The following PIGK variants were observed in gnomAD, a reference collection of about 807,000 sequenced individuals.
PIGK encodes phosphatidylinositol glycan anchor biosynthesis class K, also known as GPI-anchor transamidase.
Under a neutral mutation model 50.6 loss-of-function variants are expected in PIGK, and 42 were observed. That is an observed-to-expected ratio of 0.83 (90% CI 0.65 to 1.07). The LOEUF (loss-of-function observed/expected upper bound fraction) is 1.07, where lower values mean the gene tolerates loss of function less well. Ranked by LOEUF, PIGK falls within the 50% of genes least tolerant of loss-of-function variation. The pLI is 0.00. For missense variants in PIGK, 448 were observed against 488.7 expected, an observed-to-expected ratio of 0.92 and a Z score of 0.78; for synonymous variants, 151 against 156.0, an observed-to-expected ratio of 0.97 and a Z score of 0.24.
intron 3 of PIGK, among the ~76,000 whole-genome samples, chr1:77,169,767 A>G (rs1655319685): frequency 6.6e-6 from 1 of 152,254 alleles, no homozygotes; most frequent in South Asian, 2.1e-4. Context: ...GGGAAGCTAA[A>G]GAAACTGTCT....
intron 10 of PIGK, among the ~76,000 whole-genome samples, chr1:77,105,840 T>C (rs962641378): frequency 6.6e-6 from 1 of 152,188 alleles, no homozygotes; most frequent in African/African-American, 2.4e-5. Context: ...TATTTACTAT[T>C]TGGCCCTTTA....
intron 10 of PIGK, among the ~76,000 whole-genome samples, chr1:77,104,693 A>T (rs916374806): frequency 9.9e-5 from 15 of 152,212 alleles, no homozygotes; most frequent in African/African-American, 3.1e-4. Flanking sequence ...ACAAACTCGC[A>T]ACACAGGCAC....
intron 3 of PIGK, among the ~76,000 whole-genome samples, chr1:77,196,669 G>GT (rs1656045715): frequency 1.3e-5 from 2 of 151,870 alleles, no homozygotes; most frequent in Non-Finnish European, 2.9e-5. Flanking sequence ...GGGTTATTTG[G>GT]TTTTTGCTTG....
Position 77,090,520 on chromosome 1 carries a change from G to T in PIGK, c.*1854C>A, listed in dbSNP as rs1412693766. ...TCCCAGTTTGGTTTTAACTAAGAAG[G>T]GCACCTTCTACAACCTCTGAAGACG... On this transcript the variant is annotated 3_prime_UTR_variant, in exon 11 of 11. Transcript: ENST00000370812. 1 of 152,146 alleles carries T rather than the reference G, an allele frequency of 6.6e-6. No individual in the cohort carries two copies. 9.4% of individuals were successfully genotyped at this position (152,146 alleles called of 1,614,324 possible). A position where few individuals can be genotyped will look rare whatever the true frequency, so the allele number is the denominator to read the frequency against.
chr1:77,102,066 G>A (rs375763163), intron 10 of PIGK, among the ~76,000 whole-genome samples: 2 of 152,164 alleles, frequency 1.3e-5, no homozygotes, highest in Admixed American at 1.3e-4. Flanking sequence ...GAGATTAAAA[G>A]ACTTTCCAAT....
In PIGK at chr1:77,122,256, A is replaced by T. The variant is rs1557798372; in HGVS notation, c.1071+19T>A. The T allele has an allele frequency of 1.4e-6, 2 of 1,455,368 alleles. No homozygotes were observed. Among genetic ancestry groups the T allele is most frequent in the African/African-American group, 2.8e-5 (2 of 71,482 alleles). The allele number at this position is 1,455,368 out of a possible 1,614,324, so 90.2% of individuals were successfully genotyped here. A position where few individuals can be genotyped will look rare whatever the true frequency, so the allele number is the denominator to read the frequency against. ...TTAAAAATCTTGTTTCTTTCAAAAG[A>T]ATAAAATGAAATGCAAACCTGGTGT... On this transcript the variant is annotated intron_variant, in intron 10 of 10. Transcript: ENST00000370812.
At chr1:77,188,037 T>C (rs1277028540) in intron 3 of PIGK, among the ~76,000 whole-genome samples, 1 of 152,202 alleles carries the variant, frequency 6.6e-6, no homozygotes, top group African/African-American at 2.4e-5. Context: ...CCGAGGAAGA[T>C]GTATGTCGCC....
intron 3 of PIGK, among the ~76,000 whole-genome samples, chr1:77,174,869 ATTAAAAACC>A (rs1308969291): frequency 6.6e-6 from 1 of 152,164 alleles, no homozygotes; most frequent in African/African-American, 2.4e-5. Flanking sequence ...CAGTAATCCG[ATTAAAAACC>A]TTAAAAACTG....
intron 3 of PIGK, among the ~76,000 whole-genome samples, chr1:77,182,693 G>A (rs1401101042): frequency 3.9e-5 from 6 of 152,134 alleles, no homozygotes; most frequent in Non-Finnish European, 8.8e-5. Context: ...ATTGGTTTTG[G>A]GGTTTCTGGA....
At chr1:77,157,398 T>TA (rs1655032502) in intron 8 of PIGK, among the ~76,000 whole-genome samples, 1 of 152,068 alleles carries the variant, frequency 6.6e-6, no homozygotes, top group South Asian at 2.1e-4. Flanking sequence ...TTAAGAGCAA[T>TA]AAAAAAATTA....
chr1:77,202,113 G>A (rs1656183719), intron 3 of PIGK, among the ~76,000 whole-genome samples: 1 of 151,962 alleles, frequency 6.6e-6, no homozygotes, highest in Non-Finnish European at 1.5e-5. Flanking sequence ...TAGCTCAGTG[G>A]GGGTTGAGAA....
At chr1:77,213,983 G>C (rs1656487839) in intron 1 of PIGK, among the ~76,000 whole-genome samples, 1 of 152,154 alleles carries the variant, frequency 6.6e-6, no homozygotes, top group African/African-American at 2.4e-5. Flanking sequence ...GACTGAATCA[G>C]GAAGAAAGAG....
chr1:77,174,787 C>A (rs893565304), intron 3 of PIGK, among the ~76,000 whole-genome samples: 3 of 152,102 alleles, frequency 2.0e-5, no homozygotes, highest in Admixed American at 2.0e-4. Context: ...TCCAGCTGTG[C>A]CTGCTTATTA....
At chr1:77,150,489 CAA>C (rs541372066) in intron 9 of PIGK, among the ~76,000 whole-genome samples, 10 of 86,070 alleles carry the variant, frequency 1.2e-4, no homozygotes, top group Admixed American at 2.4e-4. Context: ...GACTCAATCT[CAA>C]AAAAAAAAAA....
rs561955371 is a variant in PIGK at position 77,129,627 on chromosome 1, C to T, written c.987-7268G>A. 21 of 1,526,202 alleles carry T rather than the reference C, an allele frequency of 1.4e-5. No homozygotes were observed. The South Asian group carries it at 2.4e-4, about 17-fold the overall frequency. 94.5% of individuals were successfully genotyped at this position (1,526,202 alleles called of 1,614,324 possible). On this transcript the variant is annotated intron_variant, in intron 9 of 10. Transcript: ENST00000370812. ...GGTTGCCCAGAAGAAAAAGATATCC[C>T]AGAAGAAACTGAAGAAACAAAAACT...
At chr1:77,095,148 C>A in intron 10 of PIGK, among the ~76,000 whole-genome samples, 1 of 152,200 alleles carries the variant, frequency 6.6e-6, no homozygotes, top group Non-Finnish European at 1.5e-5. Flanking sequence ...ACTTTGGACT[C>A]AGCTTAAGAA....
intron 3 of PIGK, among the ~76,000 whole-genome samples, chr1:77,193,288 T>A (rs1466900508): frequency 6.6e-6 from 1 of 151,482 alleles, no homozygotes; most frequent in East Asian, 1.9e-4. Context: ...TGTGTGTTTC[T>A]CCTAAGCTTT....
At chr1:77,155,583 G>A (rs980368909) in intron 8 of PIGK, among the ~76,000 whole-genome samples, 6 of 146,358 alleles carry the variant, frequency 4.1e-5, no homozygotes, top group Non-Finnish European at 8.9e-5. Flanking sequence ...AAAAAACAGA[G>A]AGTGAAATTC....
At chr1:77,171,957 A>C (rs945385324) in intron 3 of PIGK, among the ~76,000 whole-genome samples, 1 of 150,602 alleles carries the variant, frequency 6.6e-6, no homozygotes, top group African/African-American at 2.5e-5. Flanking sequence ...CAAAACTAGC[A>C]AACTAATAAT....
Sources: gnomAD v4.1 joint callset for allele counts (sites outside exome capture counted in the v4.1 genomes callset) on GRCh38, gnomAD v4.1.1 for gene constraint, MANE v1.5 for transcripts, NCBI Gene and HGNC (gene_info 2026-07-23, HGNC 2026-07-21) for gene names.